RBM33: variants seen among roughly 807,000 people sequenced by gnomAD.
RBM33 encodes the protein RNA binding motif protein 33.
Under a neutral mutation model 132.6 loss-of-function variants are expected in RBM33, and 28 were observed. The observed-to-expected ratio is 0.21, with a 90% CI of 0.16 to 0.29. RBM33 has a LOEUF of 0.29. RBM33 is among the 10% of genes least tolerant of loss of function. The pLI is 1.00. For synonymous variants in RBM33, 634 were observed against 593.0 expected (o/e 1.07, Z -1.01); for missense variants, 1,291 against 1,518.5 (o/e 0.85, Z 2.49).
At chr7:155,760,176 A>C (rs1053020266) in intron 14 of RBM33, among the ~76,000 whole-genome samples, 3 of 152,240 alleles carry the variant, frequency 2.0e-5, no homozygotes, top group Non-Finnish European at 4.4e-5. Context: ...TAAGCTGAAC[A>C]AGAGATTCAC....
intron 9 of RBM33, among the ~76,000 whole-genome samples, chr7:155,733,949 C>A (rs1801033519): frequency 6.6e-6 from 1 of 152,224 alleles, no homozygotes; most frequent in African/African-American, 2.4e-5. Context: ...TTCTGTCAGT[C>A]TCTTTGTGAG....
intron 9 of RBM33, among the ~76,000 whole-genome samples, chr7:155,734,560 C>G (rs1425470329): frequency 7.9e-5 from 12 of 152,084 alleles, no homozygotes; most frequent in Non-Finnish European, 1.5e-4. Flanking sequence ...TTGTTTCAGG[C>G]TGTGATATTG....
At chr7:155,695,593 G>C (rs1745833178) in intron 5 of RBM33, among the ~76,000 whole-genome samples, 1 of 152,066 alleles carries the variant, frequency 6.6e-6, no homozygotes, top group South Asian at 2.1e-4. Context: ...CTGAGTAGCT[G>C]GGATTACAGG....
chr7:155,728,939 G>C (rs997228960), intron 9 of RBM33, among the ~76,000 whole-genome samples: 3 of 152,148 alleles, frequency 2.0e-5, no homozygotes, highest in African/African-American at 7.2e-5. Flanking sequence ...GTAGGGTTGT[G>C]ATAAGGATTA....
chr7:155,665,569 C>CT (rs1407369024), intron 2 of RBM33, among the ~76,000 whole-genome samples: 1 of 152,228 alleles, frequency 6.6e-6, no homozygotes, highest in African/African-American at 2.4e-5. Flanking sequence ...TGCCAGAGTT[C>CT]TTTAAGCTCT....
chr7:155,741,498 T>A lies in RBM33; in HGVS notation c.2050-321T>A, dbSNP rs541098428. Among the ~76,000 whole-genome samples the A allele has an allele frequency of 9.2e-5, 14 of 152,332 alleles. No individual in the cohort carries two copies. The East Asian group carries it at 2.1e-3, about 23-fold the overall frequency. ...AGTGGTTTTTTGGCTGTCTTAATTC[T>A]TTTAAAACTGTCAGTCCCTTTACTG... On this transcript the variant is annotated intron_variant, in intron 12 of 17. Coordinates refer to ENST00000401878, the MANE Select transcript of RBM33 (RefSeq NM_053043.3).
In RBM33 at chr7:155,680,639, T is replaced by G; in HGVS notation, c.298T>G (p.Ser100Ala). Residue 100 changes from serine (S) to alanine (A), a missense_variant, in exon 5 of 18, where the codon TCA becomes GCA. By Grantham distance (99) the Ser-to-Ala change is moderately conservative (BLOSUM62 1). This residue lies in a region of RBM33 where 194 missense variants were observed against 249.8 expected (regional missense o/e 0.78). Coordinates refer to ENST00000401878, the MANE Select transcript of RBM33 (RefSeq NM_053043.3). ...SLNATSGMVT[S>A]FELSDNTNDQ... ...GAATGCTACATCTGGCATGGTTACA[T>G]CATTTGAACTCTCTGACAACACTAA... The G allele has an allele frequency of 2.5e-6, 4 of 1,608,538 alleles. No homozygotes were observed. Among genetic ancestry groups the G allele is most frequent in the Non-Finnish European group, 2.5e-6 (3 of 1,177,816 alleles).
chr7:155,727,252 C>T (rs992332201), intron 9 of RBM33, among the ~76,000 whole-genome samples: 3 of 152,150 alleles, frequency 2.0e-5, no homozygotes, highest in African/African-American at 7.2e-5. Context: ...CTGAGGTATC[C>T]CCCAGGGAGC....
intron 14 of RBM33, among the ~76,000 whole-genome samples, chr7:155,747,613 A>G (rs1801558562): frequency 1.3e-5 from 2 of 152,254 alleles, no homozygotes; most frequent in African/African-American, 2.4e-5. Flanking sequence ...CCTAATTCCA[A>G]AATCATGCTA....
rs1340887970 is a variant in RBM33, at chr7:155,644,833, G to A, written c.-44G>A. On this transcript the variant is annotated 5_prime_UTR_variant, in exon 1 of 18. Transcript: ENST00000401878. Reference sequence around the variant, plus strand: ...CCGGACCAGGCACGTCGGCCCACCAGCTGGCTTGGTGGGGGAGGCTGAAGG... The same window carrying A: ...CCGGACCAGGCACGTCGGCCCACCAACTGGCTTGGTGGGGGAGGCTGAAGG... 7 of 1,447,768 alleles carry A rather than the reference G, an allele frequency of 4.8e-6. No individual in the cohort carries two copies. The highest frequency in any genetic ancestry group is 1.5e-5 in the African/African-American group (1 of 67,718). 89.7% of individuals were successfully genotyped at this position (1,447,768 alleles called of 1,614,324 possible).
intron 14 of RBM33, among the ~76,000 whole-genome samples, chr7:155,755,042 G>GA (rs113907220): frequency 0.016 from 2,457 of 152,192 alleles, 61 homozygotes; most frequent in African/African-American, 0.055. Context: ...AGTCTTCAGA[G>GA]AAAAAAATGA....
Position 155,721,938 on chromosome 7 carries a change from C to A in RBM33, c.1260+3495C>A, listed in dbSNP as rs183862420. On this transcript the variant is annotated intron_variant, in intron 9 of 17. Coordinates refer to ENST00000401878, the MANE Select transcript of RBM33 (RefSeq NM_053043.3). ...TAAGAAAAGGATCCTTGTTTTTGAT[C>A]ATTTTGGAGAAAATTGCTTTTGCTC... Among the ~76,000 whole-genome samples the A allele has an allele frequency of 3.3e-5, 5 of 152,204 alleles. No homozygotes were observed. The East Asian group carries it at 9.6e-4, about 29-fold the overall frequency.
At chr7:155,720,900 C>T (rs373483671) in intron 9 of RBM33, among the ~76,000 whole-genome samples, 5 of 152,280 alleles carry the variant, frequency 3.3e-5, no homozygotes, top group Middle Eastern at 3.4e-3. Flanking sequence ...ACTACACACA[C>T]GCACACACAA....
intron 5 of RBM33, among the ~76,000 whole-genome samples, chr7:155,699,224 T>C (rs752312379): frequency 5.3e-5 from 8 of 152,220 alleles, no homozygotes; most frequent in Non-Finnish European, 1.0e-4. Context: ...TTTTCCTCCC[T>C]TTTGGACTTG....
intron 5 of RBM33, among the ~76,000 whole-genome samples, chr7:155,691,627 G>A (rs1227158323): frequency 2.0e-5 from 3 of 152,074 alleles, no homozygotes; most frequent in Admixed American, 1.3e-4. Context: ...TTATTGCAAG[G>A]CAGTTAAAGA....
intron 16 of RBM33, among the ~76,000 whole-genome samples, chr7:155,770,680 G>A (rs140019247): frequency 6.6e-6 from 1 of 150,750 alleles, no homozygotes; most frequent in Non-Finnish European, 1.5e-5. Flanking sequence ...TGGTGTTTAG[G>A]ATTGCAGAAT....
At chr7:155,772,175 C>T in intron 16 of RBM33, among the ~76,000 whole-genome samples, 1 of 139,554 alleles carries the variant, frequency 7.2e-6, no homozygotes. Context: ...GTTTAAACCC[C>T]CCAGGATCCT....
intron 6 of RBM33, 155 bp downstream of exon 6, chr7:155,701,099 G>A: frequency 1.5e-6 from 1 of 655,620 alleles, no homozygotes; most frequent in South Asian, 1.8e-5. Flanking sequence ...TGCTGTTTAT[G>A]GTACTGTAAA....
At chr7:155,712,458 CTTA>C (rs1448180258) in intron 8 of RBM33, among the ~76,000 whole-genome samples, 3 of 152,156 alleles carry the variant, frequency 2.0e-5, no homozygotes, top group African/African-American at 4.8e-5. Context: ...ATCAGACAGT[CTTA>C]TTATTGTTTA....
Sources: allele counts gnomAD v4.1 joint callset (sites outside exome capture counted in the v4.1 genomes callset), GRCh38; gene constraint gnomAD v4.1.1; regional missense constraint gnomAD v4.1.1; transcripts MANE v1.5; gene names NCBI Gene and HGNC (gene_info 2026-07-23, HGNC 2026-07-21).